Variants in TLN2 observed in about 807,000 individuals in gnomAD.
TLN2 encodes talin-2.
A neutral mutation model predicts 294.7 loss-of-function variants in TLN2; 118 were observed. The ratio of observed to expected loss-of-function variants is 0.40; its 90% confidence interval spans 0.34 to 0.47. TLN2 has a LOEUF of 0.47. TLN2 is among the 20% of genes least tolerant of loss of function. TLN2 has a pLI of 0.84. For synonymous variants in TLN2, 1,431 were observed against 1,304.5 expected, an observed-to-expected ratio of 1.10 and a Z score of -2.09; for missense variants, 3,083 against 3,282.2, an observed-to-expected ratio of 0.94 and a Z score of 1.48.
intron 1 of TLN2, among the ~76,000 whole-genome samples, chr15:62,423,732 C>T (rs772251701): frequency 1.3e-4 from 20 of 152,118 alleles, no homozygotes; most frequent in Non-Finnish European, 2.5e-4. Context: ...AGATGCCCGC[C>T]ACCACACCCA....
At chr15:62,474,489 ATAAT>A (rs2037675368) in intron 1 of TLN2, among the ~76,000 whole-genome samples, 1 of 152,094 alleles carries the variant, frequency 6.6e-6, no homozygotes, top group African/African-American at 2.4e-5. Flanking sequence ...AAATAATAAA[ATAAT>A]TAGCCAGGTG....
At chr15:62,545,514 T>TTGTGTGTGTGTGTGTGTG (rs56777565) in intron 1 of TLN2, among the ~76,000 whole-genome samples, 1,698 of 145,964 alleles carry the variant, frequency 0.012, 37 homozygotes, top group African/African-American at 0.04. Context: ...TTCTTTCTCT[T>TTGTGTGTGTGTGTGTGTG]TGTGTGTGTG....
intron 1 of TLN2, among the ~76,000 whole-genome samples, chr15:62,512,177 C>G (rs1385935937): frequency 6.6e-6 from 1 of 152,152 alleles, no homozygotes; most frequent in Admixed American, 6.5e-5. Context: ...ACATGACAGA[C>G]TCTAGAGCCC....
chr15:62,835,893 C>A lies in TLN2; in HGVS notation c.7194C>A (p.Ala2398=). Residue 2398 remains alanine, a splice_region_variant and synonymous_variant, in exon 57 of 59, where the codon GCC becomes GCA. Coordinates refer to ENST00000636159, the MANE Select transcript of TLN2 (RefSeq NM_015059.3). ...ACTTCTCCGTTGACTGTCCCCAGGC[C>A]CGGATGGTGGCGGCTGCGACCAGCA... The part of the protein sequence containing the change: ...GQWSQGLISA[A]RMVAAATSSL... The A allele has an allele frequency of 6.2e-7, 1 of 1,614,168 alleles. No homozygotes were observed. The highest frequency in any genetic ancestry group is 8.5e-7 in the Non-Finnish European group (1 of 1,180,030).
intron 3 of TLN2, chr15:62,645,104 A>G (rs2051671109): frequency 6.4e-6 from 1 of 156,906 alleles, no homozygotes. Flanking sequence ...CCACGGAATG[A>G]TCTGCATCAC....
intron 12 of TLN2, among the ~76,000 whole-genome samples, chr15:62,691,581 G>A (rs542830726): frequency 6.6e-6 from 1 of 152,266 alleles, no homozygotes; most frequent in Non-Finnish European, 1.5e-5. Flanking sequence ...ATTTATTTCA[G>A]TGTTGGCATG....
intron 1 of TLN2, among the ~76,000 whole-genome samples, chr15:62,400,990 A>G (rs183082501): frequency 1.2e-3 from 182 of 151,912 alleles, no homozygotes; most frequent in African/African-American, 3.9e-3. Flanking sequence ...TAATTTTTCT[A>G]TTTTTAGCAG....
Position 62,792,723 on chromosome 15 carries a change from T to G in TLN2, c.5819T>G (p.Val1940Gly). 1 of 1,614,020 alleles carries G rather than the reference T, an allele frequency of 6.2e-7. No individual in the cohort carries two copies. The highest frequency in any genetic ancestry group is 1.1e-5 in the South Asian group (1 of 91,066). Residue 1940 changes from valine (V) to glycine (G), a missense_variant, in exon 46 of 59, where the codon GTC becomes GGC. Coordinates refer to ENST00000636159, the MANE Select transcript of TLN2 (RefSeq NM_015059.3). Reference protein sequence around the residue: ...FLVQKAGALQVCPTDSYTKRE... With the variant: ...FLVQKAGALQGCPTDSYTKRE... ...GTGCAGAAGGCAGGGGCCCTCCAGG[T>G]CTGCCCCACAGACAGCTACACCAAG... is the stretch of plus-strand genomic sequence containing the variant.
In TLN2 at chr15:62,707,173, G is replaced by T; in HGVS notation, c.2092G>T (p.Asp698Tyr). Residue 698 changes from aspartate to tyrosine, a missense_variant, in exon 20 of 59, where the codon GAC (aspartate) becomes TAC (tyrosine). By Grantham distance (160) the Asp-to-Tyr change is radical. Transcript: ENST00000636159. Reference sequence around the variant, plus strand: ...AAAGAATGTTGCCCAAGTGGCCGAAGACACTGTCCTACAGAACAGGGTAAT... The same window carrying T: ...AAAGAATGTTGCCCAAGTGGCCGAATACACTGTCCTACAGAACAGGGTAAT... ...KAKNVAQVAE[D>Y]TVLQNRVIAA... is the part of the protein sequence containing the mutation. 6.2e-7 allele frequency: 1 copy of T among 1,614,240 alleles called. No individual in the cohort carries two copies. The highest frequency in any genetic ancestry group is 2.2e-5 in the East Asian group (1 of 44,882).
intron 52 of TLN2, among the ~76,000 whole-genome samples, chr15:62,815,882 C>G (rs2067072693): frequency 6.6e-6 from 1 of 152,224 alleles, no homozygotes; most frequent in Non-Finnish European, 1.5e-5. Context: ...CACTCCTATT[C>G]TCTCTTTGCC....
chr15:62,767,971 A>G (rs1290459987), intron 41 of TLN2, among the ~76,000 whole-genome samples: 3 of 151,502 alleles, frequency 2.0e-5, no homozygotes, highest in East Asian at 1.9e-4. Flanking sequence ...TTGACTTACA[A>G]ATTTACTCTT....
chr15:62,783,986 C>T, intron 45 of TLN2, 96 bp downstream of exon 45: 1 of 1,572,644 alleles, frequency 6.4e-7, no homozygotes, highest in Non-Finnish European at 8.6e-7. Flanking sequence ...CTGGAAGACC[C>T]CAGCCCAGTA....
chr15:62,740,884 G>C (rs1376632283), intron 32 of TLN2, 115 bp downstream of exon 32: 3 of 1,335,996 alleles, frequency 2.2e-6, no homozygotes, highest in Non-Finnish European at 3.1e-6. Flanking sequence ...GCTGTCCTTA[G>C]GTCATGGGAG....
intron 34 of TLN2, among the ~76,000 whole-genome samples, chr15:62,750,970 GA>G (rs756594860): frequency 2.6e-4 from 39 of 151,066 alleles, no homozygotes; most frequent in Non-Finnish European, 4.3e-4. Flanking sequence ...CAAGGAGGGT[GA>G]AATTGTTTTG....
intron 51 of TLN2, among the ~76,000 whole-genome samples, chr15:62,807,709 G>T (rs1188764235): frequency 6.6e-6 from 1 of 152,146 alleles, no homozygotes; most frequent in Non-Finnish European, 1.5e-5. Context: ...CCCATCCTCA[G>T]CCCCTCTCTG....
chr15:62,457,664 G>A (rs981869956), intron 1 of TLN2, among the ~76,000 whole-genome samples: 2 of 152,188 alleles, frequency 1.3e-5, no homozygotes, highest in African/African-American at 2.4e-5. Flanking sequence ...TTTTCCACAT[G>A]TCTAGATGAT....
At position 62,762,370 on chromosome 15, in the gene TLN2, C is replaced by T; in HGVS notation, c.4878C>T (p.Pro1626=). 1.2e-6 allele frequency: 2 copies of T among 1,614,174 alleles called. No individual in the cohort carries two copies. The highest frequency in any genetic ancestry group is 1.7e-6 in the Non-Finnish European group (2 of 1,180,024). The part of the protein sequence containing the change: ...IRTARSLAIN[P]KDPPTWSVLA... Reference sequence around the variant, plus strand: ...CTGCACGCTCTCTGGCCATCAACCCCAAAGACCCACCCACCTGGTCTGTAC... The same window carrying T: ...CTGCACGCTCTCTGGCCATCAACCCTAAAGACCCACCCACCTGGTCTGTAC... Residue 1626 remains proline, a synonymous_variant, in exon 39 of 59, where the codon CCC becomes CCT. Transcript: ENST00000636159.
intron 47 of TLN2, 134 bp from the exon 48 acceptor site, chr15:62,797,085 A>G (rs918954840): frequency 1.5e-5 from 13 of 884,852 alleles, no homozygotes; most frequent in Non-Finnish European, 2.2e-5. Flanking sequence ...TGGTAAAGGG[A>G]GGTGTAACAC....
rs771116020 is a variant in TLN2 at position 62,781,265 on chromosome 15, C to A, written c.5616+24C>A. 5 of 1,584,092 alleles carry A rather than the reference C, an allele frequency of 3.2e-6. No homozygotes were observed. In the African/African-American group the frequency reaches 6.7e-5, roughly 21 times the overall value. The stretch of plus-strand genomic sequence containing the variant: ...TGGTAAGAGGGAAGAGAGCTGCCCT[C>A]CCCACTGTTGTTTGCCTTTTTATCC... On this transcript the variant is annotated intron_variant, in intron 44 of 58. Coordinates refer to ENST00000636159, the MANE Select transcript of TLN2 (RefSeq NM_015059.3).
Sources: allele counts gnomAD v4.1 joint callset (sites outside exome capture counted in the v4.1 genomes callset), GRCh38; gene constraint gnomAD v4.1.1; transcripts MANE v1.5; gene names NCBI Gene and HGNC (gene_info 2026-07-23, HGNC 2026-07-21).